The following PM20D2 variants were observed in gnomAD, a reference collection of about 807,000 sequenced individuals.
PM20D2 encodes the protein peptidase M20 domain containing 2.
In PM20D2, 33 loss-of-function variants were observed where a neutral mutation model predicts 42.9. The ratio of observed to expected loss-of-function variants is 0.77; its 90% confidence interval spans 0.58 to 1.03. PM20D2 has a LOEUF of 1.03. PM20D2 is among the 50% of genes least tolerant of loss of function. PM20D2 has a pLI of 0.00. For missense variants in PM20D2, 548 were observed against 557.0 expected, an observed-to-expected ratio of 0.98 and a Z score of 0.16; for synonymous variants, 250 against 228.2, an observed-to-expected ratio of 1.10 and a Z score of -0.86.
chr6:89,103,991 C>CTTTTTTTTTTTTTTTTTTTT, the PM20D2 span, among the ~76,000 whole-genome samples: 1 of 81,950 alleles, frequency 1.2e-5, no homozygotes, highest in Non-Finnish European at 2.3e-5. Context: ...TATTATATTT[C>CTTTTTTTTTTTTTTTTTTTT]TTTTTTTTTT....
chr6:89,132,215 A>G, the PM20D2 span, among the ~76,000 whole-genome samples: 6 of 152,362 alleles, frequency 3.9e-5, no homozygotes, highest in South Asian at 6.2e-4. Flanking sequence ...TCACTGGCCT[A>G]GCAGTCATCA....
Position 89,154,893 on chromosome 6 carries a change from A to T in PM20D2, c.903A>T (p.Ser301=), listed in dbSNP as rs1188499228. The T allele has an allele frequency of 1.9e-6, 3 of 1,593,144 alleles. No individual in the cohort carries two copies. Among genetic ancestry groups the T allele is most frequent in the Non-Finnish European group, 2.6e-6 (3 of 1,172,746 alleles). Reference sequence around the variant, plus strand: ...GCTTCAGAGCTGCAGCTTTGGCTTCAGGGTGCACAGTAAGAACTTTTAAAA... The same window carrying T: ...GCTTCAGAGCTGCAGCTTTGGCTTCTGGGTGCACAGTAAGAACTTTTAAAA... ...EDCFRAAALA[S]GCTVEIKGGA... Residue 301 remains serine (S), a synonymous_variant, in exon 4 of 7, where the codon TCA becomes TCT. Coordinates refer to ENST00000275072, the MANE Select transcript of PM20D2 (RefSeq NM_001010853.3).
the PM20D2 span, among the ~76,000 whole-genome samples, chr6:89,134,674 G>T: frequency 1.3e-5 from 2 of 151,068 alleles, no homozygotes; most frequent in Admixed American, 6.6e-5. Flanking sequence ...CTAAAATTTG[G>T]GGGCAACTAT....
chr6:89,117,806 CA>C, the PM20D2 span: 1 of 1,547,254 alleles, frequency 6.5e-7, no homozygotes, highest in South Asian at 1.2e-5. Flanking sequence ...CCCCAACCTG[CA>C]GCCGCGGCCG....
At chr6:89,148,101 C>T (rs570101286) in intron 1 of PM20D2, among the ~76,000 whole-genome samples, 1 of 151,064 alleles carries the variant, frequency 6.6e-6, no homozygotes, top group Non-Finnish European at 1.5e-5. Context: ...GTGCTTCAGC[C>T]TCCTGAGCTG....
the PM20D2 span, chr6:89,118,093 G>C: frequency 1.0e-4 from 16 of 155,742 alleles, no homozygotes; most frequent in East Asian, 1.6e-3. Flanking sequence ...CCGGGGGCGG[G>C]GGCGGCGCCG....
At chr6:89,155,258 CT>C (rs34776724) in intron 4 of PM20D2, among the ~76,000 whole-genome samples, 753 of 58,870 alleles carry the variant, frequency 0.013, no homozygotes, top group African/African-American at 0.019. Context: ...TCAGCAAAAG[CT>C]TTTTTTTTTT....
At chr6:89,133,525 CT>C in the PM20D2 span, among the ~76,000 whole-genome samples, 1 of 151,076 alleles carries the variant, frequency 6.6e-6, no homozygotes, top group Non-Finnish European at 1.5e-5. Flanking sequence ...GCTCTTCTTG[CT>C]TGCATCACCC....
At chr6:89,098,955 C>T in the PM20D2 span, 2 of 1,608,226 alleles carry the variant, frequency 1.2e-6, no homozygotes, top group African/African-American at 1.3e-5. Flanking sequence ...GACCTGCAAA[C>T]ATCCATAATG....
the PM20D2 span, among the ~76,000 whole-genome samples, chr6:89,123,719 CAAAAA>C: frequency 1.9e-5 from 1 of 53,908 alleles, no homozygotes; most frequent in Non-Finnish European, 3.9e-5. Flanking sequence ...GAGACTGTCT[CAAAAA>C]AAAAAAAAAA....
At chr6:89,141,596 C>T (rs1248237343), upstream of PM20D2, among the ~76,000 whole-genome samples, 1 of 152,128 alleles carries the variant, frequency 6.6e-6, no homozygotes, top group African/African-American at 2.4e-5. Context: ...AAACTCCTGA[C>T]CTCAAGTGAT....
chr6:89,117,933 T>G, the PM20D2 span: 1 of 1,528,000 alleles, frequency 6.5e-7, no homozygotes. Context: ...GCCGCTGGAC[T>G]CGCTCCGTCT....
chr6:89,134,625 G>GTATC, the PM20D2 span, among the ~76,000 whole-genome samples: 1 of 151,188 alleles, frequency 6.6e-6, no homozygotes, highest in East Asian at 1.9e-4. Flanking sequence ...CAATAAGTAG[G>GTATC]ACCAGAAATA....
chr6:89,099,042 A>G, the PM20D2 span: 1 of 1,389,568 alleles, frequency 7.2e-7, no homozygotes, highest in Non-Finnish European at 9.5e-7. Flanking sequence ...ACATAACATT[A>G]GTTATATTTT....
At chr6:89,127,504 T>A in the PM20D2 span, among the ~76,000 whole-genome samples, 1 of 152,060 alleles carries the variant, frequency 6.6e-6, no homozygotes, top group Non-Finnish European at 1.5e-5. Context: ...TAATTTTGAT[T>A]TTTGGTAGAG....
the PM20D2 span, among the ~76,000 whole-genome samples, chr6:89,115,574 G>C: frequency 6.7e-6 from 1 of 149,084 alleles, no homozygotes; most frequent in Non-Finnish European, 1.5e-5. Context: ...GAGCCACCGC[G>C]CCCAGCCTTA....
At chr6:89,155,423 G>A (rs1771010562) in intron 4 of PM20D2, among the ~76,000 whole-genome samples, 1 of 151,602 alleles carries the variant, frequency 6.6e-6, no homozygotes, top group Admixed American at 6.6e-5. Context: ...GAGTAGCTGG[G>A]ACTACAGGCA....
In PM20D2 at chr6:89,162,191, G is replaced by T; in HGVS notation, c.1239G>T (p.Glu413Asp). ...MTALDVIFKPELLEGIREDFK... is the reference protein window; with the variant it reads ...MTALDVIFKPDLLEGIREDFK... ...CACTGGATGTTATTTTTAAACCAGAGTTACTGGAAGGAATCAGAGAGGACT... is the reference window on the plus strand; with the variant it reads ...CACTGGATGTTATTTTTAAACCAGATTTACTGGAAGGAATCAGAGAGGACT... The change falls in exon 7 of 7, where the codon GAG becomes GAT. Residue 413 changes from glutamate (E) to aspartate (D), a missense_variant. Coordinates refer to ENST00000275072, the MANE Select transcript of PM20D2 (RefSeq NM_001010853.3). The T allele has an allele frequency of 6.2e-7, 1 of 1,614,112 alleles. No homozygotes were observed. Among genetic ancestry groups the T allele is most frequent in the Middle Eastern group, 1.6e-4 (1 of 6,062 alleles).
In PM20D2 at chr6:89,149,282, C is replaced by G. The variant is rs1180500386; in HGVS notation, c.483C>G (p.Thr161=). ...CCTTCTAGGTAGTTGTCCTGGGAACCCCTGCAGAAGAAGATGGTGGTGGCA... is the reference window on the plus strand; with the variant it reads ...CCTTCTAGGTAGTTGTCCTGGGAACGCCTGCAGAAGAAGATGGTGGTGGCA... ...PPPVKVVVLG[T]PAEEDGGGKI... is the part of the protein sequence containing the mutation. Residue 161 remains threonine, a synonymous_variant, in exon 2 of 7, where the codon ACC becomes ACG. Coordinates refer to ENST00000275072, the MANE Select transcript of PM20D2 (RefSeq NM_001010853.3). The G allele has an allele frequency of 1.1e-5, 18 of 1,613,590 alleles. No individual in the cohort carries two copies. The highest frequency in any genetic ancestry group is 1.5e-5 in the Non-Finnish European group (18 of 1,179,876).
Sources: gnomAD v4.1 joint callset for allele counts (sites outside exome capture counted in the v4.1 genomes callset) on GRCh38, gnomAD v4.1.1 for gene constraint, MANE v1.5 for transcripts, NCBI Gene and HGNC (gene_info 2026-07-23, HGNC 2026-07-21) for gene names.